The following PSMD14 variants were observed in gnomAD, a reference collection of about 807,000 sequenced individuals.
PSMD14 encodes proteasome 26S subunit, non-ATPase 14, also known as ubiquitin C-terminal hydrolase PSMD14.
In PSMD14, 7 loss-of-function variants were observed where a neutral mutation model predicts 41.2. The observed-to-expected ratio is 0.17, with a 90% CI of 0.10 to 0.32. The LOEUF is 0.32. PSMD14 is among the 10% of genes least tolerant of loss of function. The pLI is 1.00. For synonymous variants in PSMD14, 114 were observed against 122.3 expected (o/e 0.93, Z 0.45); for missense variants, 139 against 375.6 (o/e 0.37, Z 5.21).
At chr2:161,331,288 A>T (rs1682785362) in intron 3 of PSMD14, among the ~76,000 whole-genome samples, 1 of 149,564 alleles carries the variant, frequency 6.7e-6, no homozygotes, top group East Asian at 2.0e-4. Context: ...TTTAAGACGG[A>T]GTCTCACTCT....
chr2:161,334,066 C>T (rs922835389), intron 3 of PSMD14, among the ~76,000 whole-genome samples: 6 of 152,010 alleles, frequency 3.9e-5, no homozygotes, highest in African/African-American at 1.4e-4. Context: ...GGCCTGGTGG[C>T]TCACACCTGT....
At chr2:161,368,619 A>T (rs1258762185) in intron 5 of PSMD14, among the ~76,000 whole-genome samples, 1 of 152,088 alleles carries the variant, frequency 6.6e-6, no homozygotes, top group East Asian at 1.9e-4. Context: ...CAAAAAAAGC[A>T]CATATATCCT....
At chr2:161,342,370 C>G (rs1383847004) in intron 3 of PSMD14, among the ~76,000 whole-genome samples, 1 of 151,752 alleles carries the variant, frequency 6.6e-6, no homozygotes. Context: ...TGGATTTAGT[C>G]AAACACCTTT....
intron 3 of PSMD14, among the ~76,000 whole-genome samples, chr2:161,338,058 A>G (rs1682893795): frequency 6.6e-6 from 1 of 152,220 alleles, no homozygotes; most frequent in Non-Finnish European, 1.5e-5. Flanking sequence ...AAATCTAAAA[A>G]CATTTTGTAA....
intron 3 of PSMD14, among the ~76,000 whole-genome samples, chr2:161,360,932 G>A (rs1247467586): frequency 6.6e-6 from 1 of 152,166 alleles, no homozygotes; most frequent in Non-Finnish European, 1.5e-5. Context: ...ATTTGCTTGT[G>A]TACTGACTTC....
At chr2:161,391,313 T>C in intron 9 of PSMD14, 135 bp downstream of exon 9, 1 of 935,782 alleles carries the variant, frequency 1.1e-6, no homozygotes, top group Non-Finnish European at 1.5e-6. Context: ...TATTGATGAA[T>C]TGCAGCACAA....
chr2:161,327,340 A>G (rs1460992308), intron 3 of PSMD14, among the ~76,000 whole-genome samples: 1 of 152,170 alleles, frequency 6.6e-6, no homozygotes, highest in Non-Finnish European at 1.5e-5. Context: ...GCCTAATGCC[A>G]CTGAATTGTT....
intron 3 of PSMD14, among the ~76,000 whole-genome samples, chr2:161,336,164 C>A (rs1682866306): frequency 1.4e-5 from 1 of 69,258 alleles, no homozygotes; most frequent in African/African-American, 5.0e-5. Context: ...TTGGTCTCCA[C>A]CTTTTATTCA....
chr2:161,389,912 T>TTTTTTTTTTTTTTTTTTTTTTTTTA (rs1299369817), intron 8 of PSMD14, among the ~76,000 whole-genome samples: 3 of 130,290 alleles, frequency 2.3e-5, no homozygotes, highest in African/African-American at 9.8e-5. Flanking sequence ...TTTTTTTTTT[T>TTTTTTTTTTTTTTTTTTTTTTTTTA]AGAGATGGGG....
At chr2:161,339,711 T>C (rs1391757419) in intron 3 of PSMD14, among the ~76,000 whole-genome samples, 1 of 152,254 alleles carries the variant, frequency 6.6e-6, no homozygotes, top group African/African-American at 2.4e-5. Flanking sequence ...GGCATGACTA[T>C]TGCTGTTTGG....
chr2:161,381,038 G>A (rs1683564585), intron 7 of PSMD14, among the ~76,000 whole-genome samples: 1 of 151,780 alleles, frequency 6.6e-6, no homozygotes, highest in East Asian at 1.9e-4. Context: ...ATCATTTAGA[G>A]ATTTACTTTA....
intron 1 of PSMD14, among the ~76,000 whole-genome samples, chr2:161,310,473 CCT>C (rs1406847472): frequency 6.6e-6 from 1 of 152,040 alleles, no homozygotes; most frequent in Non-Finnish European, 1.5e-5. Flanking sequence ...TGTCATATTC[CCT>C]GTTTGTTGCA....
chr2:161,395,360 C>A (rs1683778929), intron 10 of PSMD14, among the ~76,000 whole-genome samples, 157 bp downstream of exon 10: 1 of 152,188 alleles, frequency 6.6e-6, no homozygotes, highest in Admixed American at 6.5e-5. Context: ...ACTACTCACC[C>A]TTGCCTTTGT....
At chr2:161,309,913 T>C (rs912928866) in intron 1 of PSMD14, among the ~76,000 whole-genome samples, 23 of 152,230 alleles carry the variant, frequency 1.5e-4, no homozygotes, top group African/African-American at 5.5e-4. Flanking sequence ...CCCAGCACTT[T>C]GGGAGGCTGA....
Position 161,391,180 on chromosome 2 carries a change from TA to T in PSMD14, c.645+4del. On this transcript the variant is annotated splice_donor_region_variant and intron_variant, in intron 9 of 11. Coordinates refer to ENST00000409682, the MANE Select transcript of PSMD14 (RefSeq NM_005805.6). ...CGGAAAAATGAACTGGAACAGAAGG[TA>T]AGTTTAAATTTTTATCTTATAGGAG... 1 of 1,513,690 alleles carries T rather than the reference TA, an allele frequency of 6.6e-7. No individual in the cohort carries two copies. The highest frequency in any genetic ancestry group is 1.3e-5 in the South Asian group (1 of 76,590). 93.8% of individuals were successfully genotyped at this position (1,513,690 alleles called of 1,614,324 possible). A position where few individuals can be genotyped will look rare whatever the true frequency, so the allele number is the denominator to read the frequency against.
intron 10 of PSMD14, among the ~76,000 whole-genome samples, chr2:161,398,228 G>GT (rs1277346069): frequency 6.6e-6 from 1 of 151,966 alleles, no homozygotes; most frequent in Admixed American, 6.6e-5. Flanking sequence ...AATACGGTGG[G>GT]TTTTTTTAGT....
rs546370554 is a variant in PSMD14 at position 161,332,308 on chromosome 2, T to C, written c.48+13435T>C. Among the ~76,000 whole-genome samples, 481 of 152,362 alleles carry C rather than the reference T, an allele frequency of 3.2e-3. 6 individuals are homozygous for C. Among genetic ancestry groups the C allele is most frequent in the Admixed American group, 7.2e-3 (110 of 15,304 alleles). ...TTAAAAGAAGGTTTACATTTCTTAC[T>C]TTTTTACGTCTTTAAAACGTTTTCC... On this transcript the variant is annotated intron_variant, in intron 3 of 11. Coordinates refer to ENST00000409682, the MANE Select transcript of PSMD14 (RefSeq NM_005805.6).
rs1232566274 is a variant in PSMD14 at position 161,411,336 on chromosome 2, T to G, written c.869T>G (p.Val290Gly). The part of the protein sequence containing the change: ...PKRHLEEHVD[V>G]LMTSNIVQCL... ...CGTCATTTGGAGGAACATGTGGATG[T>G]ACTTATGACCTCAAATATTGTCCAG... The change falls in exon 12 of 12, where the codon GTA (valine) becomes GGA (glycine). Residue 290 changes from valine to glycine, a missense_variant. By Grantham distance (109) the Val-to-Gly change is moderately radical. Coordinates refer to ENST00000409682, the MANE Select transcript of PSMD14 (RefSeq NM_005805.6). The G allele has an allele frequency of 6.2e-7, 1 of 1,610,366 alleles. No individual in the cohort carries two copies. The highest frequency in any genetic ancestry group is 8.5e-7 in the Non-Finnish European group (1 of 1,178,024).
At chr2:161,394,938 C>A in intron 9 of PSMD14, 140 bp from the exon 10 acceptor site, 1 of 733,586 alleles carries the variant, frequency 1.4e-6, no homozygotes, top group Non-Finnish European at 2.1e-6. Context: ...TAGGAGCATT[C>A]TAATTGGAGT....
Sources: allele counts gnomAD v4.1 joint callset (sites outside exome capture counted in the v4.1 genomes callset), GRCh38; gene constraint gnomAD v4.1.1; transcripts MANE v1.5; gene names NCBI Gene and HGNC (gene_info 2026-07-23, HGNC 2026-07-21).